MACROD2: variants seen among roughly 807,000 people sequenced by gnomAD.
The protein encoded by MACROD2 is mono-ADP ribosylhydrolase 2.
MACROD2 carries 36 observed loss-of-function variants against 70.4 expected under a neutral mutation model. The ratio of observed to expected loss-of-function variants is 0.51; its 90% CI spans 0.39 to 0.68. The LOEUF is 0.68. MACROD2 is among the 30% of genes least tolerant of loss of function. The pLI, the probability that MACROD2 is intolerant of heterozygous loss-of-function variation, is 0.00. For missense variants in MACROD2, 496 were observed against 538.4 expected (o/e 0.92, Z 0.78); for synonymous variants, 172 against 178.8 (o/e 0.96, Z 0.30).
At chr20:15,105,968 A>C (rs1221706208) in intron 5 of MACROD2, among the ~76,000 whole-genome samples, 1 of 152,162 alleles carries the variant, frequency 6.6e-6, no homozygotes, top group Non-Finnish European at 1.5e-5. Flanking sequence ...TTCTCATCAC[A>C]AAAAAGTTGT....
At chr20:15,325,988 C>T (rs2077924829) in intron 6 of MACROD2, among the ~76,000 whole-genome samples, 1 of 152,122 alleles carries the variant, frequency 6.6e-6, no homozygotes, top group Non-Finnish European at 1.5e-5. Context: ...TTTGCTGCTT[C>T]ATCTTGGACT....
chr20:15,587,260 C>T lies in MACROD2; in HGVS notation c.645+87413C>T, dbSNP rs187009800. Reference sequence around the variant, plus strand: ...AGATCTTGTGAGACTTACTCCCTATCATGAGAATACCATGGGAAAGACCAG... The same window carrying T: ...AGATCTTGTGAGACTTACTCCCTATTATGAGAATACCATGGGAAAGACCAG... On this transcript the variant is annotated intron_variant, in intron 8 of 17. Transcript: ENST00000684519. 2.0e-3 allele frequency among the ~76,000 whole-genome samples: 307 copies of T among 152,290 alleles called. 4 individuals carry two copies. In the Middle Eastern group the frequency reaches 0.054, roughly 27 times the overall value.
intron 5 of MACROD2, among the ~76,000 whole-genome samples, chr20:14,881,745 G>A (rs897905341): frequency 2.6e-5 from 4 of 152,072 alleles, no homozygotes; most frequent in African/African-American, 7.2e-5. Flanking sequence ...AGGAGTTCTG[G>A]CTGAGATGCA....
intron 4 of MACROD2, among the ~76,000 whole-genome samples, chr20:14,639,131 C>T (rs777831487): frequency 5.9e-5 from 9 of 152,072 alleles, no homozygotes; most frequent in Admixed American, 3.3e-4. Context: ...AGTTTAATCT[C>T]GGCAGCAACA....
chr20:14,219,708 C>G (rs770214989), intron 3 of MACROD2, among the ~76,000 whole-genome samples: 2 of 152,148 alleles, frequency 1.3e-5, no homozygotes, highest in Non-Finnish European at 1.5e-5. Context: ...ATTCTTTTTT[C>G]CCACAGGGTG....
At chr20:14,240,226 A>G (rs1295244239) in intron 3 of MACROD2, among the ~76,000 whole-genome samples, 1 of 152,212 alleles carries the variant, frequency 6.6e-6, no homozygotes, top group Non-Finnish European at 1.5e-5. Flanking sequence ...GGGAATGCTT[A>G]TACGCTACTG....
At chr20:14,609,444 G>A (rs1983020500) in intron 4 of MACROD2, among the ~76,000 whole-genome samples, 1 of 152,076 alleles carries the variant, frequency 6.6e-6, no homozygotes, top group Non-Finnish European at 1.5e-5. Context: ...ATGTGTGTTT[G>A]GGGGTACTGT....
intron 5 of MACROD2, among the ~76,000 whole-genome samples, chr20:15,080,961 A>G (rs1319377973): frequency 6.6e-6 from 1 of 151,830 alleles, no homozygotes; most frequent in Non-Finnish European, 1.5e-5. Context: ...AATCTTGCTT[A>G]CTCTACCTTC....
intron 7 of MACROD2, among the ~76,000 whole-genome samples, chr20:15,465,701 T>A (rs2046878122): frequency 6.6e-6 from 1 of 152,226 alleles, no homozygotes; most frequent in Non-Finnish European, 1.5e-5. Context: ...GGTAGACATG[T>A]GGCTGGGGCT....
At chr20:16,013,996 G>A (rs189717545) in intron 15 of MACROD2, among the ~76,000 whole-genome samples, 102 of 152,276 alleles carry the variant, frequency 6.7e-4, no homozygotes, top group East Asian at 6.4e-3. Context: ...TTTTAACTGC[G>A]ACATTTAACT....
At chr20:15,894,657 A>G (rs114342872) in intron 10 of MACROD2, among the ~76,000 whole-genome samples, 111 of 152,318 alleles carry the variant, frequency 7.3e-4, no homozygotes, top group African/African-American at 2.6e-3. Flanking sequence ...CCTACTGACA[A>G]TGAAGAGTAG....
intron 6 of MACROD2, among the ~76,000 whole-genome samples, chr20:15,320,385 T>G (rs2077861875): frequency 2.6e-5 from 4 of 152,204 alleles, no homozygotes; most frequent in African/African-American, 9.6e-5. Context: ...AATCCTTCAC[T>G]CAAAATGGTT....
At chr20:15,872,567 C>A (rs1601029890) in intron 9 of MACROD2, among the ~76,000 whole-genome samples, 1 of 152,156 alleles carries the variant, frequency 6.6e-6, no homozygotes, top group African/African-American at 2.4e-5. Flanking sequence ...ACTAATGGAC[C>A]AATTCCAAAT....
At chr20:15,732,320 A>C (rs2146952087) in intron 8 of MACROD2, among the ~76,000 whole-genome samples, 1 of 152,278 alleles carries the variant, frequency 6.6e-6, no homozygotes, top group East Asian at 1.9e-4. Flanking sequence ...ATTTCCTGGC[A>C]TCTTCCCAGT....
intron 3 of MACROD2, among the ~76,000 whole-genome samples, chr20:14,160,329 C>T (rs144608848): frequency 7.9e-5 from 12 of 152,228 alleles, no homozygotes; most frequent in Middle Eastern, 6.8e-3. Flanking sequence ...TGGTAGAATT[C>T]GGCATTGAAG....
At chr20:15,430,970 T>C (rs11906284) in intron 6 of MACROD2, among the ~76,000 whole-genome samples, 12,088 of 151,988 alleles carry the variant, frequency 0.08, 1,554 homozygotes, top group African/African-American at 0.27. Context: ...ACCATGGAGC[T>C]GGAAAGAGAG....
At position 14,697,645 on chromosome 20, in the gene MACROD2, A is replaced by T. The variant is rs77619439; in HGVS notation, c.418+12686A>T. Among the ~76,000 whole-genome samples the T allele has an allele frequency of 7.9e-5, 12 of 151,812 alleles. No individual in the cohort carries two copies. The East Asian group carries it at 2.3e-3, about 29-fold the overall frequency. ...CAGCCCTCTTTCCTCCCATATTCTC[A>T]TTTTTTTTCTTATCACTCCATTCAG... On this transcript the variant is annotated intron_variant, in intron 5 of 17. Transcript: ENST00000684519.
At chr20:14,270,209 A>G (rs917523899) in intron 3 of MACROD2, among the ~76,000 whole-genome samples, 23 of 152,184 alleles carry the variant, frequency 1.5e-4, no homozygotes, top group Non-Finnish European at 2.9e-5. Flanking sequence ...ATATGCACAC[A>G]AACATATATA....
At chr20:15,649,199 TTTCTTTCC>T (rs1446333999) in intron 8 of MACROD2, among the ~76,000 whole-genome samples, 2 of 80,130 alleles carry the variant, frequency 2.5e-5, no homozygotes, top group African/African-American at 4.7e-5. Context: ...TCCTTTCTTC[TTTCTTTCC>T]TTCTTTCTTT....
Sources: gnomAD v4.1 joint callset for allele counts (sites outside exome capture counted in the v4.1 genomes callset) on GRCh38, gnomAD v4.1.1 for gene constraint, MANE v1.5 for transcripts, NCBI Gene and HGNC (gene_info 2026-07-23, HGNC 2026-07-21) for gene names.